Variants in LRRC71 observed in about 807,000 individuals in gnomAD.
LRRC71 encodes the protein leucine-rich repeat-containing protein 71.
A neutral mutation model predicts 66.6 loss-of-function variants in LRRC71; 54 were observed. That is an observed-to-expected ratio of 0.81 (90% CI 0.65 to 1.02). The LOEUF is 1.02. Ranked by LOEUF, LRRC71 falls within the 50% of genes least tolerant of loss-of-function variation. The pLI is 0.00. For missense variants in LRRC71, 724 were observed against 718.0 expected, an observed-to-expected ratio of 1.01 and a Z score of -0.10; for synonymous variants, 323 against 303.9, an observed-to-expected ratio of 1.06 and a Z score of -0.65.
Position 156,924,461 on chromosome 1 carries a change from C to A in LRRC71, c.348C>A (p.Ser116Arg). 1 of 1,551,288 alleles carries A rather than the reference C, an allele frequency of 6.4e-7. No homozygotes were observed. Among genetic ancestry groups the A allele is most frequent in the Non-Finnish European group, 8.7e-7 (1 of 1,146,994 alleles). Residue 116 changes from serine to arginine, a missense_variant, in exon 3 of 15, where the codon AGC (serine) becomes AGA (arginine). Ser to Arg is a moderately radical substitution (Grantham distance 110). Transcript: ENST00000337428. The part of the protein sequence containing the change: ...PRLSGSCSLN[S>R]LESKYVFFRP... ...TGTCGGGGTCCTGCAGCCTCAATAG[C>A]CTGGAGAGCAAATACGTGTTCTTCC...
Position 156,927,169 on chromosome 1 carries a change from A to G in LRRC71, c.594-33A>G, listed in dbSNP as rs773133989. On this transcript the variant is annotated intron_variant, in intron 5 of 14. Transcript: ENST00000337428. ...CCTTCCCTTACCTGGCCTCAGTGGT[A>G]CCTTCTGGTTCTCAGATCTCCCCTG... is the stretch of plus-strand genomic sequence containing the variant. The G allele has an allele frequency of 9.4e-6, 15 of 1,593,528 alleles. No individual in the cohort carries two copies. In the African/African-American group the frequency reaches 1.3e-4, roughly 14 times the overall value.
Position 156,932,592 on chromosome 1 carries a change from C to G in LRRC71, c.1563+47C>G, listed in dbSNP as rs1654544787. ...CTGCTGAAGCAGACGTTGCCCCTATCAGCTGTCATACTAGACAGCTGCTGC... is the reference window on the plus strand; with the variant it reads ...CTGCTGAAGCAGACGTTGCCCCTATGAGCTGTCATACTAGACAGCTGCTGC... On this transcript the variant is annotated intron_variant, in intron 14 of 14. Transcript: ENST00000337428. 47 of 1,613,840 alleles carry G rather than the reference C, an allele frequency of 2.9e-5. 1 individual carries two copies. In the East Asian group the frequency reaches 1.0e-3, roughly 36 times the overall value.
Position 156,930,064 on chromosome 1 carries a change from C to CTTTCTTTCTT in LRRC71, c.1240+337_1240+346dup, listed in dbSNP as rs1469238717. 1.5e-3 allele frequency among the ~76,000 whole-genome samples: 139 copies of CTTTCTTTCTT among 95,570 alleles called. 2 individuals carry two copies. The highest frequency in any genetic ancestry group is 6.0e-3 in the African/African-American group (132 of 22,020). The allele number at this position is 95,570 out of a possible 152,430, so 62.7% of individuals were successfully genotyped here. The stretch of plus-strand genomic sequence containing the variant: ...TCTTTCTCTTTCTTTCTTTCTTTTT[C>CTTTCTTTCTT]TTTCTTTCTTTCTTTTCTTTCTTTC... On this transcript the variant is annotated intron_variant, in intron 11 of 14. Coordinates refer to ENST00000337428, the MANE Select transcript of LRRC71 (RefSeq NM_144702.3).
Position 156,920,926 on chromosome 1 carries a change from T to G in LRRC71, c.123T>G (p.Val41=). Residue 41 remains valine, a synonymous_variant, in exon 1 of 15, where the codon GTT becomes GTG. Transcript: ENST00000337428. The surrounding 1 kb of genome is among the most constrained non-coding windows in gnomAD (Gnocchi z 4.9). ...ERAAKEKPAT[V]LPPVGEEEPK... The stretch of plus-strand genomic sequence containing the variant: ...CGGCCAAAGAGAAGCCAGCGACCGT[T>G]CTGCCTCCCGTGGGGGAGGAGGAGC... 6.5e-7 allele frequency: 1 copy of G among 1,540,196 alleles called. No homozygotes were observed. The highest frequency in any genetic ancestry group is 8.8e-7 in the Non-Finnish European group (1 of 1,141,624).
chr1:156,927,464 A>C (rs1377191149), intron 6 of LRRC71, 32 bp from the exon 7 acceptor site: 2 of 1,519,918 alleles, frequency 1.3e-6, no homozygotes, highest in South Asian at 2.6e-5. Flanking sequence ...TACCTTTTCC[A>C]GCGACCCACA....
At chr1:156,936,817 A>C, downstream of LRRC71, 5 of 1,612,518 alleles carry the variant, frequency 3.1e-6, no homozygotes, top group Non-Finnish European at 4.2e-6. Flanking sequence ...TTCACTCACC[A>C]TCCTCAGGGC....
At chr1:156,936,244 A>G, downstream of LRRC71, 1 of 774,784 alleles carries the variant, frequency 1.3e-6, no homozygotes, top group Non-Finnish European at 2.4e-6. Context: ...CAGCGCCTAA[A>G]GCCCTTAGGT....
downstream of LRRC71, chr1:156,936,744 G>T: frequency 6.6e-7 from 1 of 1,507,626 alleles, no homozygotes; most frequent in Non-Finnish European, 9.0e-7. Context: ...TCACTGCTTA[G>T]TGATGTGTCC....
chr1:156,940,018 G>A, the LRRC71 span: 1 of 1,520,828 alleles, frequency 6.6e-7, no homozygotes, highest in Non-Finnish European at 8.8e-7. Flanking sequence ...AGGCACAGGT[G>A]AAGCTGGAGG....
downstream of LRRC71, chr1:156,936,354 C>T (rs373061762): frequency 3.7e-4 from 181 of 494,850 alleles, 1 homozygote; most frequent in South Asian, 3.0e-3. Flanking sequence ...AGTCTTAGGC[C>T]GACACCATGG....
downstream of LRRC71, among the ~76,000 whole-genome samples, chr1:156,936,500 ATATATATAT>A (rs1557807604): frequency 9.9e-6 from 1 of 101,476 alleles, no homozygotes; most frequent in African/African-American, 5.1e-5. Context: ...AAAAAAAAAT[ATATATATAT>A]ATATATATAT....
At chr1:156,937,268 A>T (rs1655642476), downstream of LRRC71, 1 of 1,613,912 alleles carries the variant, frequency 6.2e-7, no homozygotes, top group African/African-American at 1.3e-5. Context: ...GTTGAGCTTG[A>T]GAGTGAGCTG....
chr1:156,923,150 T>C (rs1652644433), intron 1 of LRRC71, among the ~76,000 whole-genome samples: 1 of 152,162 alleles, frequency 6.6e-6, no homozygotes, highest in Non-Finnish European at 1.5e-5. Context: ...GCTGCAGGTG[T>C]CCCTCCTGGC....
At position 156,932,519 on chromosome 1, in the gene LRRC71, G is replaced by A. The variant is rs35745377; in HGVS notation, c.1537G>A (p.Val513Met). The A allele has an allele frequency of 6.7e-3, 10,757 of 1,614,014 alleles. 71 individuals carry two copies. Among genetic ancestry groups the A allele is most frequent in the South Asian group, 0.014 (1,244 of 91,084 alleles). ...GGCCAAGAGTGCATCCAAGGGTCCAGTGGGGCTGCTGTGGCTGTCCCTGGC... is the reference window on the plus strand; with the variant it reads ...GGCCAAGAGTGCATCCAAGGGTCCAATGGGGCTGCTGTGGCTGTCCCTGGC... ...SKAKSASKGP[V>M]GLLWLSLAKN... Residue 513 changes from valine to methionine, a missense_variant, in exon 14 of 15, where the codon GTG becomes ATG. Val to Met is a conservative substitution (Grantham distance 21). Coordinates refer to ENST00000337428, the MANE Select transcript of LRRC71 (RefSeq NM_144702.3).
At chr1:156,935,685 G>A (rs113264656), downstream of LRRC71, 3 of 299,576 alleles carry the variant, frequency 1.0e-5, no homozygotes, top group Middle Eastern at 9.2e-4. Flanking sequence ...ACATACAGGC[G>A]TGCGCGTGTA....
chr1:156,937,581 C>A, downstream of LRRC71: 1 of 1,420,450 alleles, frequency 7.0e-7, no homozygotes. Flanking sequence ...TCCCCAGCCA[C>A]CTGACAGAGC....
chr1:156,938,405 A>C, the LRRC71 span: 1 of 1,610,930 alleles, frequency 6.2e-7, no homozygotes, highest in Non-Finnish European at 8.5e-7. Flanking sequence ...AGCTCCAAGG[A>C]GAAAGTTATT....
chr1:156,932,301 G>C, intron 13 of LRRC71, 123 bp from the exon 14 acceptor site: 2 of 774,562 alleles, frequency 2.6e-6, no homozygotes, highest in Non-Finnish European at 4.4e-6. Flanking sequence ...AGGGAAAGGT[G>C]TGCCTGGGCC....
downstream of LRRC71, chr1:156,934,781 C>T (rs1654771841): frequency 6.6e-6 from 1 of 151,482 alleles, no homozygotes; most frequent in African/African-American, 2.4e-5. Flanking sequence ...ACCAGTCTTA[C>T]AGGGAACAAA....
Sources: allele counts gnomAD v4.1 joint callset (sites outside exome capture counted in the v4.1 genomes callset), GRCh38; gene constraint gnomAD v4.1.1; non-coding constraint Gnocchi (gnomAD v3.1); transcripts MANE v1.5; gene names NCBI Gene and HGNC (gene_info 2026-07-23, HGNC 2026-07-21).